CMTM4: variants seen among roughly 807,000 people sequenced by gnomAD.
The protein encoded by CMTM4 is CKLF-like MARVEL transmembrane domain-containing protein 4.
A neutral mutation model predicts 19.0 loss-of-function variants in CMTM4; 8 were observed. The observed-to-expected ratio is 0.42, with a 90% CI of 0.25 to 0.76. CMTM4 has a LOEUF of 0.76. Ranked by LOEUF, CMTM4 falls within the 30% of genes least tolerant of loss-of-function variation. The probability of loss-of-function intolerance (pLI) is 0.27; values close to 1 mark genes in which losing one functional copy is unlikely to be tolerated. For synonymous variants in CMTM4, 106 were observed against 121.1 expected, an observed-to-expected ratio of 0.88 and a Z score of 0.82; for missense variants, 228 against 290.2, an observed-to-expected ratio of 0.79 and a Z score of 1.56.
chr16:66,620,531 G>C lies in CMTM4; in HGVS notation c.*1527C>G. The C allele has an allele frequency of 1.0e-6, 1 of 985,410 alleles. No homozygotes were observed. The highest frequency in any genetic ancestry group is 1.2e-6 in the Non-Finnish European group (1 of 829,968). The allele number at this position is 985,410 out of a possible 1,614,324, so 61.0% of individuals were successfully genotyped here. A position where few individuals can be genotyped will look rare whatever the true frequency, so the allele number is the denominator to read the frequency against. ...GAGCTCAGATGCTGTCCTTTTCTGGGGAATGAGACGCCACATGTCCATAAG... is the reference window on the plus strand; with the variant it reads ...GAGCTCAGATGCTGTCCTTTTCTGGCGAATGAGACGCCACATGTCCATAAG... On this transcript the variant is annotated 3_prime_UTR_variant, in exon 4 of 4. Coordinates refer to ENST00000394106, the MANE Select transcript of CMTM4 (RefSeq NM_181521.3).
intron 1 of CMTM4, among the ~76,000 whole-genome samples, chr16:66,658,980 A>C (rs1008070904): frequency 1.3e-5 from 2 of 152,204 alleles, no homozygotes; most frequent in African/African-American, 4.8e-5. Flanking sequence ...TGAAGCCAGC[A>C]GACCTGAGAC....
At position 66,619,474 on chromosome 16, in the gene CMTM4, C is replaced by G. The variant is rs1417282772; in HGVS notation, c.*2584G>C. ...TAAGGTCGCTCAGCCTTCAAATGCC[C>G]CAAACCAAACTGATATTGGTCCCTA... On this transcript the variant is annotated 3_prime_UTR_variant, in exon 4 of 4. Coordinates refer to ENST00000394106, the MANE Select transcript of CMTM4 (RefSeq NM_181521.3). 1 of 985,292 alleles carries G rather than the reference C, an allele frequency of 1.0e-6. No individual in the cohort carries two copies. The allele number at this position is 985,292 out of a possible 1,614,324, so 61.0% of individuals were successfully genotyped here.
rs546158129 is a variant in CMTM4, at chr16:66,671,845, G to A, written c.186+24495C>T. The stretch of plus-strand genomic sequence containing the variant: ...CAGCCTGGGTAACACAGGGAGACCC[G>A]GTCTCTACAAAAAAATATTTAAAAA... On this transcript the variant is annotated intron_variant, in intron 1 of 3. Transcript: ENST00000394106. Among the ~76,000 whole-genome samples the A allele has an allele frequency of 4.6e-5, 7 of 151,334 alleles. No individual in the cohort carries two copies. In the South Asian group the frequency reaches 8.4e-4, roughly 18 times the overall value.
At chr16:66,623,098 C>G (rs1469349556) in intron 3 of CMTM4, among the ~76,000 whole-genome samples, 2 of 152,214 alleles carry the variant, frequency 1.3e-5, no homozygotes, top group East Asian at 3.8e-4. Flanking sequence ...TGGAAACGAA[C>G]CAAAGCAGGG....
At chr16:66,657,085 ATTTT>A (rs35197723) in intron 1 of CMTM4, among the ~76,000 whole-genome samples, 1 of 139,164 alleles carries the variant, frequency 7.2e-6, no homozygotes, top group Admixed American at 7.3e-5. Flanking sequence ...TAATTTCCTG[ATTTT>A]TTTTTTTTTT....
chr16:66,671,091 T>TA (rs985268269), intron 1 of CMTM4, among the ~76,000 whole-genome samples: 13 of 152,142 alleles, frequency 8.5e-5, no homozygotes, highest in South Asian at 2.1e-4. Flanking sequence ...ATATTCAAGA[T>TA]AAAAAAACTG....
In CMTM4 at chr16:66,617,346, G is replaced by A; in HGVS notation, c.*4712C>T. 1.9e-6 allele frequency: 3 copies of A among 1,613,284 alleles called. No individual in the cohort carries two copies. Among genetic ancestry groups the A allele is most frequent in the Non-Finnish European group, 2.5e-6 (3 of 1,179,704 alleles). ...ATTTTTTCCTTACTGTTACGTTTGT[G>A]GAGTAGGAAAAACTAGAAAGGAAAA... On this transcript the variant is annotated 3_prime_UTR_variant, in exon 4 of 4. Coordinates refer to ENST00000394106, the MANE Select transcript of CMTM4 (RefSeq NM_181521.3).
the CMTM4 span, chr16:66,608,320 C>T: frequency 6.2e-7 from 1 of 1,614,210 alleles, no homozygotes; most frequent in South Asian, 1.1e-5. The surrounding 1 kb of genome is among the most constrained non-coding windows in gnomAD (Gnocchi z 5.1). Context: ...GTCTCTCATT[C>T]ATCACTTTTA....
chr16:66,666,361 G>A (rs929406476), intron 1 of CMTM4, among the ~76,000 whole-genome samples: 1 of 151,916 alleles, frequency 6.6e-6, no homozygotes, highest in Non-Finnish European at 1.5e-5. Flanking sequence ...GCTGAGGCAG[G>A]AGAATGGCGT....
At chr16:66,598,281 C>T in the CMTM4 span, among the ~76,000 whole-genome samples, 1 of 152,166 alleles carries the variant, frequency 6.6e-6, no homozygotes, top group Non-Finnish European at 1.5e-5. Flanking sequence ...TGGGCTATGA[C>T]AGTCCCCCTC....
chr16:66,611,849 G>A (rs981910034), downstream of CMTM4, among the ~76,000 whole-genome samples: 2 of 152,030 alleles, frequency 1.3e-5, no homozygotes, highest in African/African-American at 2.4e-5. Flanking sequence ...ATTGGGGGAG[G>A]GGGATTGAAG....
chr16:66,635,014 G>T (rs2015963283), intron 2 of CMTM4, among the ~76,000 whole-genome samples: 1 of 152,172 alleles, frequency 6.6e-6, no homozygotes, highest in Non-Finnish European at 1.5e-5. Flanking sequence ...TTATTGACAG[G>T]CCTCAGGAAC....
chr16:66,615,877 T>G lies in CMTM4; in HGVS notation c.*6181A>C, dbSNP rs2144768416. 6.6e-6 allele frequency: 1 copy of G among 152,318 alleles called. No individual in the cohort carries two copies. Among genetic ancestry groups the G allele is most frequent in the East Asian group, 1.9e-4 (1 of 5,184 alleles). The allele number at this position is 152,318 out of a possible 1,614,324, so 9.4% of individuals were successfully genotyped here. A position where few individuals can be genotyped will look rare whatever the true frequency, so the allele number is the denominator to read the frequency against. ...TTTGAGGTGAGCAGTGGCTCCAAAC[T>G]GAGCAAGTGGTTAAAAAATGCCAAA... On this transcript the variant is annotated 3_prime_UTR_variant, in exon 4 of 4. Coordinates refer to ENST00000394106, the MANE Select transcript of CMTM4 (RefSeq NM_181521.3). This position sits in a 1 kb window ranked among gnomAD's most constrained non-coding sequence, Gnocchi z 4.9.
intron 2 of CMTM4, among the ~76,000 whole-genome samples, chr16:66,628,866 G>A (rs355953): frequency 0.049 from 7,432 of 152,158 alleles, 298 homozygotes; most frequent in East Asian, 0.11. Flanking sequence ...ATCAGTTGAT[G>A]GACATTTATT....
At chr16:66,604,899 C>G in the CMTM4 span, 1 of 1,453,166 alleles carries the variant, frequency 6.9e-7, no homozygotes, top group Non-Finnish European at 9.0e-7. Context: ...CGCCCTGCTG[C>G]CGGCGCGGGC....
rs964613355 is a variant in CMTM4, at chr16:66,617,317, G to A, written c.*4741C>T. The A allele has an allele frequency of 5.0e-6, 8 of 1,613,942 alleles. No homozygotes were observed. The highest frequency in any genetic ancestry group is 6.8e-6 in the Non-Finnish European group (8 of 1,180,000). ...GTGATTCAAACTCAGCAGGTTTGTGGGTGATTTTTTCCTTACTGTTACGTT... is the reference window on the plus strand; with the variant it reads ...GTGATTCAAACTCAGCAGGTTTGTGAGTGATTTTTTCCTTACTGTTACGTT... On this transcript the variant is annotated 3_prime_UTR_variant, in exon 4 of 4. Transcript: ENST00000394106.
At chr16:66,639,666 T>A (rs2016063809) in intron 1 of CMTM4, among the ~76,000 whole-genome samples, 1 of 152,072 alleles carries the variant, frequency 6.6e-6, no homozygotes, top group Admixed American at 6.6e-5. Flanking sequence ...GTGGATTGCT[T>A]GAGGCCAGGA....
In CMTM4 at chr16:66,635,016, C is replaced by A. The variant is rs529831084; in HGVS notation, c.363+1389G>T. Among the ~76,000 whole-genome samples the A allele has an allele frequency of 4.6e-5, 7 of 152,308 alleles. No individual in the cohort carries two copies. The East Asian group carries it at 1.4e-3, about 29-fold the overall frequency. On this transcript the variant is annotated intron_variant, in intron 2 of 3. Coordinates refer to ENST00000394106, the MANE Select transcript of CMTM4 (RefSeq NM_181521.3). ...ACTCAACAAGTATTTATTGACAGGC[C>A]TCAGGAACACTAGGCAAGTAGGATA...
intron 1 of CMTM4, among the ~76,000 whole-genome samples, chr16:66,651,400 C>G (rs355961): frequency 0.094 from 14,271 of 152,138 alleles, 934 homozygotes; most frequent in East Asian, 0.27. Context: ...CAGGCACCTC[C>G]GAATAACAAC....
Sources: gnomAD v4.1 joint callset for allele counts (sites outside exome capture counted in the v4.1 genomes callset) on GRCh38, gnomAD v4.1.1 for gene constraint, Gnocchi (gnomAD v3.1) non-coding constraint, MANE v1.5 for transcripts, NCBI Gene and HGNC (gene_info 2026-07-23, HGNC 2026-07-21) for gene names.